The following CCDC34 variants were observed in gnomAD, a reference collection of about 807,000 sequenced individuals.
CCDC34 encodes the protein coiled-coil domain-containing protein 34.
CCDC34 carries 40 observed loss-of-function variants against 44.1 expected under a neutral mutation model. That is an observed-to-expected ratio of 0.91 (90% CI 0.70 to 1.18). CCDC34 has a LOEUF of 1.18. Ranked by LOEUF, CCDC34 falls within the 50% of genes most tolerant of loss-of-function variation. The probability of loss-of-function intolerance (pLI) is 0.00; values close to 1 mark genes in which losing one functional copy is unlikely to be tolerated. For missense variants in CCDC34, 466 were observed against 452.3 expected (o/e 1.03, Z -0.28); for synonymous variants, 159 against 158.2 (o/e 1.01, Z -0.04).
chr11:27,354,865 C>G (rs954543137), intron 2 of CCDC34, among the ~76,000 whole-genome samples: 1 of 152,036 alleles, frequency 6.6e-6, no homozygotes, highest in South Asian at 2.1e-4. Flanking sequence ...TCTCAAAAAA[C>G]GAAAACAAAA....
intron 1 of CCDC34, among the ~76,000 whole-genome samples, chr11:27,359,423 T>C (rs757805174): frequency 4.6e-5 from 7 of 152,210 alleles, no homozygotes; most frequent in Non-Finnish European, 7.3e-5. Flanking sequence ...GAGCTTAGAT[T>C]TGGGCGTAAA....
intron 3 of CCDC34, among the ~76,000 whole-genome samples, chr11:27,346,869 T>C (rs1862442086): frequency 6.6e-6 from 1 of 152,106 alleles, no homozygotes; most frequent in African/African-American, 2.4e-5. Context: ...ATAGGACTGG[T>C]GTCCTTACAA....
intron 3 of CCDC34, among the ~76,000 whole-genome samples, chr11:27,348,398 C>A (rs1455279222): frequency 1.3e-5 from 2 of 152,054 alleles, no homozygotes; most frequent in Non-Finnish European, 2.9e-5. Context: ...AAGTAAAGGA[C>A]CTTTTACAAA....
intron 2 of CCDC34, among the ~76,000 whole-genome samples, chr11:27,355,148 T>C (rs890313287): frequency 3.9e-5 from 6 of 152,286 alleles, no homozygotes; most frequent in African/African-American, 1.2e-4. Context: ...TGTGAGACTG[T>C]AGATAAAGCC....
chr11:27,350,731 C>A (rs1565060032), intron 2 of CCDC34, among the ~76,000 whole-genome samples: 1 of 152,170 alleles, frequency 6.6e-6, no homozygotes, highest in Admixed American at 6.5e-5. Flanking sequence ...CTTTCCCACA[C>A]ATAAATTTTG....
chr11:27,359,575 G>A (rs146054217), intron 1 of CCDC34, among the ~76,000 whole-genome samples: 2,944 of 151,496 alleles, frequency 0.019, 94 homozygotes, highest in African/African-American at 0.067. Flanking sequence ...TGCAAGCTCC[G>A]CCTCCCTGGT....
chr11:27,363,135 A>C lies in CCDC34; in HGVS notation c.60T>G (p.Ala20=), dbSNP rs1436525748. The C allele has an allele frequency of 1.3e-6, 2 of 1,543,622 alleles. No individual in the cohort carries two copies. The highest frequency in any genetic ancestry group is 2.0e-5 in the Admixed American group (1 of 51,076). Residue 20 remains alanine, a synonymous_variant, in exon 1 of 6, where the codon GCT becomes GCG. Transcript: ENST00000328697. ...TFPSSYAGFS[A]DCRPRSRPSS... is the part of the protein sequence containing the mutation. The stretch of plus-strand genomic sequence containing the variant: ...AGGGCCGAGACCTGGGTCTGCAGTC[A>C]GCAGAGAAACCGGCGTAGGAAGAGG...
chr11:27,349,234 C>T (rs1282952524), intron 3 of CCDC34: 1 of 948,680 alleles, frequency 1.1e-6, no homozygotes, highest in Non-Finnish European at 1.3e-6. Context: ...TTATAACAGT[C>T]ACAGAGATTT....
At chr11:27,350,181 G>C in intron 3 of CCDC34, 151 bp downstream of exon 3, 1 of 1,548,340 alleles carries the variant, frequency 6.5e-7, no homozygotes, top group Non-Finnish European at 8.7e-7. Flanking sequence ...ATAGAGACTT[G>C]ATAAATGTCC....
chr11:27,343,911 G>C (rs1478686), intron 3 of CCDC34, among the ~76,000 whole-genome samples: 136,942 of 152,208 alleles, frequency 0.9, 62,204 homozygotes, highest in Non-Finnish European at 0.96. Context: ...ATGGGAGAAT[G>C]TTAAAACCAA....
intron 2 of CCDC34, among the ~76,000 whole-genome samples, chr11:27,352,810 A>G (rs980375936): frequency 2.0e-5 from 3 of 152,266 alleles, no homozygotes; most frequent in African/African-American, 7.2e-5. Flanking sequence ...AAATGTATCT[A>G]GAAAATGCTA....
At chr11:27,343,223 A>G (rs1439283447) in intron 3 of CCDC34, among the ~76,000 whole-genome samples, 3 of 152,142 alleles carry the variant, frequency 2.0e-5, no homozygotes, top group Non-Finnish European at 4.4e-5. Flanking sequence ...CAACGTGGTG[A>G]AACCCCGTCT....
intron 5 of CCDC34, 82 bp from the exon 6 acceptor site, chr11:27,339,117 G>A (rs1862318030): frequency 2.0e-6 from 2 of 985,014 alleles, no homozygotes; most frequent in African/African-American, 3.3e-5. Flanking sequence ...CTAGAAAAAT[G>A]TTAAAATGTC....
At chr11:27,348,785 A>G (rs919688166) in intron 3 of CCDC34, 1 of 850,376 alleles carries the variant, frequency 1.2e-6, no homozygotes, top group Admixed American at 6.8e-5. Flanking sequence ...TGAAAGAAGA[A>G]ATCTGATAGG....
chr11:27,345,248 T>G (rs533514553), intron 3 of CCDC34, among the ~76,000 whole-genome samples: 1 of 152,226 alleles, frequency 6.6e-6, no homozygotes, highest in South Asian at 2.1e-4. Context: ...CAGTGGAGAG[T>G]ATTTTTACCC....
intron 1 of CCDC34, among the ~76,000 whole-genome samples, chr11:27,359,540 G>A (rs375888652): frequency 1.7e-4 from 26 of 151,406 alleles, no homozygotes; most frequent in African/African-American, 6.1e-4. Context: ...CTAGGCTGGA[G>A]TGCAGTGGCG....
rs201770114 is a variant in CCDC34, at chr11:27,338,896, G to T, written c.1047C>A (p.His349Gln). ...TATGAATTACCAGAGATGATGACTT[G>T]TGTGGCTGACTTATCACAGGTCTTT... is the stretch of plus-strand genomic sequence containing the variant. ...KSKRPVISQP[H>Q]KSSSLVIHKA... is the part of the protein sequence containing the mutation. The change falls in exon 6 of 6, where the codon CAC becomes CAA. Residue 349 changes from histidine to glutamine, a missense_variant. Coordinates refer to ENST00000328697, the MANE Select transcript of CCDC34 (RefSeq NM_030771.2). 4 of 1,613,872 alleles carry T rather than the reference G, an allele frequency of 2.5e-6. No homozygotes were observed. The African/African-American group carries it at 4.0e-5, about 16-fold the overall frequency.
intron 3 of CCDC34, 106 bp downstream of exon 3, chr11:27,350,226 A>G: frequency 6.3e-7 from 1 of 1,590,514 alleles, no homozygotes; most frequent in Non-Finnish European, 8.5e-7. Flanking sequence ...CCAAAGAAGA[A>G]AGACTCTAAG....
chr11:27,346,445 G>A (rs12806640), intron 3 of CCDC34, among the ~76,000 whole-genome samples: 2 of 135,930 alleles, frequency 1.5e-5, no homozygotes, highest in Non-Finnish European at 1.5e-5. Context: ...GAGGGGAGGG[G>A]AGGAAGGAAG....
Sources: allele counts gnomAD v4.1 joint callset (sites outside exome capture counted in the v4.1 genomes callset), GRCh38; gene constraint gnomAD v4.1.1; transcripts MANE v1.5; gene names NCBI Gene and HGNC (gene_info 2026-07-23, HGNC 2026-07-21).